PLEKHH1: variants seen among roughly 807,000 people sequenced by gnomAD.
The protein encoded by PLEKHH1 is pleckstrin homology, MyTH4 and FERM domain containing H1, also known as pleckstrin homology domain-containing family H member 1.
PLEKHH1 carries 104 observed loss-of-function variants against 160.0 expected under a neutral mutation model. That is an observed-to-expected ratio of 0.65 (90% CI 0.55 to 0.76). The LOEUF (loss-of-function observed/expected upper bound fraction) is 0.76, where lower values mean the gene tolerates loss of function less well. Ranked by LOEUF, PLEKHH1 falls within the 30% of genes least tolerant of loss-of-function variation. The probability of loss-of-function intolerance (pLI) is 0.00; values close to 1 mark genes in which losing one functional copy is unlikely to be tolerated. For synonymous variants in PLEKHH1, 619 were observed against 678.4 expected (o/e 0.91, Z 1.36); for missense variants, 1,427 against 1,724.1 (o/e 0.83, Z 3.05).
intron 7 of PLEKHH1, among the ~76,000 whole-genome samples, chr14:67,567,349 A>C (rs746201577): frequency 6.6e-6 from 1 of 152,184 alleles, no homozygotes; most frequent in Non-Finnish European, 1.5e-5. Context: ...TCCTTAAAAC[A>C]ACCTTGTGAG....
At position 67,579,297 on chromosome 14, in the gene PLEKHH1, A is replaced by T; in HGVS notation, c.3013A>T (p.Asn1005Tyr). 2.6e-6 allele frequency: 4 copies of T among 1,539,116 alleles called. No homozygotes were observed. Among genetic ancestry groups the T allele is most frequent in the Non-Finnish European group, 3.5e-6 (4 of 1,146,316 alleles). ...LPFSIPVHFT[N>Y]GTYHVVGFDG... The stretch of plus-strand genomic sequence containing the variant: ...CTTCAGCATCCCCGTGCACTTTACC[A>T]ACGGGACTTACCATGTGAGGAGCTG... The change falls in exon 21 of 29, where the codon AAC (asparagine) becomes TAC (tyrosine). Residue 1005 changes from asparagine to tyrosine, a missense_variant. Coordinates refer to ENST00000329153, the MANE Select transcript of PLEKHH1 (RefSeq NM_020715.3).
intron 4 of PLEKHH1, among the ~76,000 whole-genome samples, chr14:67,558,399 C>G (rs12894252): frequency 0.12 from 18,526 of 152,108 alleles, 1,521 homozygotes; most frequent in East Asian, 0.28. Context: ...AATGGAGGTG[C>G]CTTTGTATGC....
intron 1 of PLEKHH1, among the ~76,000 whole-genome samples, chr14:67,538,865 G>A (rs1172248439): frequency 6.6e-6 from 1 of 152,104 alleles, no homozygotes; most frequent in Non-Finnish European, 1.5e-5. Context: ...CCCTAAACTA[G>A]GTATAATCTC....
At chr14:67,546,215 G>A (rs747438285) in intron 2 of PLEKHH1, among the ~76,000 whole-genome samples, 15 of 152,120 alleles carry the variant, frequency 9.9e-5, no homozygotes, top group Non-Finnish European at 1.9e-4. Flanking sequence ...GGGTAAAATT[G>A]GAGAGAATTA....
intron 26 of PLEKHH1, 127 bp downstream of exon 26, chr14:67,584,251 G>C: frequency 3.3e-6 from 3 of 899,632 alleles, no homozygotes; most frequent in Non-Finnish European, 5.1e-6. Context: ...TCCCTCCACT[G>C]TTTCTGGCCT....
intron 2 of PLEKHH1, among the ~76,000 whole-genome samples, chr14:67,547,509 C>T (rs1224854573): frequency 1.3e-5 from 2 of 152,194 alleles, no homozygotes; most frequent in East Asian, 3.9e-4. Context: ...TTGCTACACG[C>T]ACTGGGAGGA....
intron 6 of PLEKHH1, 49 bp from the exon 7 acceptor site, chr14:67,562,088 G>C: frequency 6.2e-7 from 1 of 1,602,186 alleles, no homozygotes; most frequent in South Asian, 1.1e-5. Flanking sequence ...GTGGGTATGG[G>C]GCTGAGCTAC....
At chr14:67,546,685 C>T (rs1380196820) in intron 2 of PLEKHH1, among the ~76,000 whole-genome samples, 3 of 152,174 alleles carry the variant, frequency 2.0e-5, no homozygotes, top group Non-Finnish European at 2.9e-5. Context: ...CCACCGTGCC[C>T]AGGCAGCAGA....
chr14:67,585,817 C>T, intron 27 of PLEKHH1, 134 bp from the exon 28 acceptor site: 9 of 1,084,382 alleles, frequency 8.3e-6, no homozygotes, highest in Non-Finnish European at 1.1e-5. Context: ...TGTAGATATT[C>T]AAGATGGAGA....
chr14:67,559,748 C>A (rs757167724), intron 5 of PLEKHH1, 57 bp downstream of exon 5: 1 of 1,184,362 alleles, frequency 8.4e-7, no homozygotes. Flanking sequence ...CCTGCCCTGA[C>A]CCCCGGAGTT....
chr14:67,573,135 A>G lies in PLEKHH1; in HGVS notation c.1729-141A>G. On this transcript the variant is annotated intron_variant, in intron 11 of 28. Coordinates refer to ENST00000329153, the MANE Select transcript of PLEKHH1 (RefSeq NM_020715.3). The surrounding 1 kb of genome is among the most constrained non-coding windows in gnomAD (Gnocchi z 4.8). ...ACCATAGCAGGGCATGGTACTCTGA[A>G]AATACACTGAGTAGGTACTCAATAA... 1 of 613,862 alleles carries G rather than the reference A, an allele frequency of 1.6e-6. No homozygotes were observed. Among genetic ancestry groups the G allele is most frequent in the Non-Finnish European group, 2.9e-6 (1 of 340,138 alleles). The allele number at this position is 613,862 out of a possible 1,614,324, so 38.0% of individuals were successfully genotyped here.
chr14:67,574,433 A>G lies in PLEKHH1; in HGVS notation c.2088+30A>G, dbSNP rs373385817. 9.5e-6 allele frequency: 14 copies of G among 1,467,072 alleles called. No individual in the cohort carries two copies. Among genetic ancestry groups the G allele is most frequent in the African/African-American group, 1.4e-5 (1 of 70,636 alleles). The allele number at this position is 1,467,072 out of a possible 1,614,324, so 90.9% of individuals were successfully genotyped here. A position where few individuals can be genotyped will look rare whatever the true frequency, so the allele number is the denominator to read the frequency against. On this transcript the variant is annotated intron_variant, in intron 14 of 28. Transcript: ENST00000329153. This position sits in a 1 kb window ranked among gnomAD's most constrained non-coding sequence, Gnocchi z 4.2. ...AGGGTGGGGCTGATAGGGCAGGAAC[A>G]TGTGCCTCCTGCGAATCAGGGGAGC...
At chr14:67,584,328 C>A (rs114070810) in intron 26 of PLEKHH1, among the ~76,000 whole-genome samples, 115 of 152,280 alleles carry the variant, frequency 7.6e-4, no homozygotes, top group African/African-American at 2.7e-3. Flanking sequence ...TTGTTGACTG[C>A]CCCAAAAGAA....
rs759593807 is a variant in PLEKHH1 at position 67,575,899 on chromosome 14, A to G, written c.2246A>G (p.Tyr749Cys). The G allele has an allele frequency of 8.1e-6, 13 of 1,613,802 alleles. No individual in the cohort carries two copies. The highest frequency in any genetic ancestry group is 5.5e-5 in the South Asian group (5 of 91,086). Residue 749 changes from tyrosine to cysteine, a missense_variant, in exon 16 of 29, where the codon TAT becomes TGT. This residue lies in a region of PLEKHH1 where 436 missense variants were observed against 607.5 expected (regional missense o/e 0.72). Transcript: ENST00000329153. The part of the protein sequence containing the change: ...VDRSCDSDED[Y>C]EAGGTRRLLS... ...CGATCCTGTGACTCAGACGAGGACT[A>G]TGAGGCTGGAGGAACCAGACGGTTG...
At chr14:67,538,878 A>C (rs1389821066) in intron 1 of PLEKHH1, among the ~76,000 whole-genome samples, 1 of 152,186 alleles carries the variant, frequency 6.6e-6, no homozygotes, top group African/African-American at 2.4e-5. Flanking sequence ...ATAATCTCAG[A>C]TATCAGGGCT....
intron 1 of PLEKHH1, among the ~76,000 whole-genome samples, chr14:67,540,254 T>C (rs545802626): frequency 8.2e-4 from 125 of 152,338 alleles, no homozygotes; most frequent in African/African-American, 2.9e-3. Flanking sequence ...ACCTCTTACC[T>C]TGAAGTATTT....
At chr14:67,553,646 A>G (rs2034484592) in intron 2 of PLEKHH1, among the ~76,000 whole-genome samples, 1 of 152,238 alleles carries the variant, frequency 6.6e-6, no homozygotes, top group African/African-American at 2.4e-5. Flanking sequence ...ACCACTATGT[A>G]TCAACCAACC....
chr14:67,559,545 C>A (rs1239964259), intron 4 of PLEKHH1, 63 bp from the exon 5 acceptor site: 2 of 1,193,730 alleles, frequency 1.7e-6, no homozygotes, highest in Admixed American at 2.0e-5. Flanking sequence ...GGGTTTCCCA[C>A]CTCCAGTCAG....
chr14:67,541,724 C>A, intron 1 of PLEKHH1, 110 bp from the exon 2 acceptor site: 1 of 705,016 alleles, frequency 1.4e-6, no homozygotes, highest in Non-Finnish European at 2.2e-6. Flanking sequence ...CCTGTTTTCT[C>A]TTCCCCAGCC....
Sources: gnomAD v4.1 joint callset for allele counts (sites outside exome capture counted in the v4.1 genomes callset) on GRCh38, gnomAD v4.1.1 for gene constraint, gnomAD v4.1.1 regional missense constraint, Gnocchi (gnomAD v3.1) non-coding constraint, MANE v1.5 for transcripts, NCBI Gene and HGNC (gene_info 2026-07-23, HGNC 2026-07-21) for gene names.